Variants in PALD1 observed in about 807,000 individuals in gnomAD.
PALD1 encodes phosphatase domain containing paladin 1.
A neutral mutation model predicts 96.0 loss-of-function variants in PALD1; 57 were observed. The observed-to-expected ratio is 0.59, with a 90% CI of 0.48 to 0.74. The LOEUF (loss-of-function observed/expected upper bound fraction) is 0.74, where lower values mean the gene tolerates loss of function less well. PALD1 is among the 30% of genes least tolerant of loss of function. PALD1 has a pLI of 0.00. For missense variants in PALD1, 1,063 were observed against 1,143.7 expected (o/e 0.93, Z 1.02); for synonymous variants, 464 against 473.6 (o/e 0.98, Z 0.26).
chr10:70,542,802 C>G (rs1310113216), intron 17 of PALD1, among the ~76,000 whole-genome samples: 2 of 152,232 alleles, frequency 1.3e-5, no homozygotes, highest in African/African-American at 4.8e-5. Flanking sequence ...AGTGGAATTG[C>G]TGGATCCTAT....
intron 1 of PALD1, among the ~76,000 whole-genome samples, chr10:70,503,436 G>T (rs563440692): frequency 1.7e-4 from 26 of 152,212 alleles, no homozygotes; most frequent in Non-Finnish European, 3.1e-4. Flanking sequence ...AGGAGTTCGA[G>T]AACAGCCTGG....
At chr10:70,523,804 G>T (rs2132347392) in intron 1 of PALD1, among the ~76,000 whole-genome samples, 1 of 152,234 alleles carries the variant, frequency 6.6e-6, no homozygotes, top group Admixed American at 6.5e-5. Context: ...AGGGATGGGT[G>T]GCTGTTTGAG....
intron 17 of PALD1, among the ~76,000 whole-genome samples, chr10:70,546,748 G>C (rs927102323): frequency 1.3e-5 from 2 of 152,170 alleles, no homozygotes; most frequent in African/African-American, 4.8e-5. Context: ...CCAGGAGTTC[G>C]AGATTAGCCT....
At chr10:70,497,293 T>G (rs1846210513) in intron 1 of PALD1, among the ~76,000 whole-genome samples, 1 of 152,234 alleles carries the variant, frequency 6.6e-6, no homozygotes, top group South Asian at 2.1e-4. Flanking sequence ...TGCACACACC[T>G]TCTACTCACG....
At chr10:70,504,055 T>C (rs931968650) in intron 1 of PALD1, among the ~76,000 whole-genome samples, 2 of 152,228 alleles carry the variant, frequency 1.3e-5, no homozygotes, top group Non-Finnish European at 2.9e-5. Context: ...TGGGCCTCAG[T>C]GTCTGCACCT....
chr10:70,520,120 C>T (rs374694163), intron 1 of PALD1, among the ~76,000 whole-genome samples: 11 of 151,944 alleles, frequency 7.2e-5, no homozygotes, highest in South Asian at 4.2e-4. Flanking sequence ...GGATTCCGGC[C>T]GGCGGGGAGG....
intron 2 of PALD1, among the ~76,000 whole-genome samples, chr10:70,528,729 C>T (rs948055773): frequency 1.3e-5 from 2 of 152,190 alleles, no homozygotes; most frequent in Non-Finnish European, 2.9e-5. Context: ...TGCAAGTCCA[C>T]GAGGACATCC....
intron 18 of PALD1, among the ~76,000 whole-genome samples, chr10:70,553,435 G>C (rs1847522880): frequency 6.6e-6 from 1 of 152,190 alleles, no homozygotes; most frequent in Admixed American, 6.5e-5. Context: ...GCAGGGAGTG[G>C]GATGGGGTAG....
Position 70,529,238 on chromosome 10 carries a change from C to T in PALD1, c.195C>T (p.Cys65=), listed in dbSNP as rs1392993884. Residue 65 remains cysteine, a synonymous_variant, in exon 3 of 20, where the codon TGC becomes TGT. Transcript: ENST00000263563. Reference sequence around the variant, plus strand: ...CCCCCCCCCCCCCCAGGTACAACTGCAAGGAGGAGTTCCAGATCCATGATG... The same window carrying T: ...CCCCCCCCCCCCCCAGGTACAACTGTAAGGAGGAGTTCCAGATCCATGATG... ...KVAPVVITYN[C]KEEFQIHDEL... is the part of the protein sequence containing the mutation. 1.3e-6 allele frequency: 1 copy of T among 764,142 alleles called. No homozygotes were observed. Among genetic ancestry groups the T allele is most frequent in the Non-Finnish European group, 2.0e-6 (1 of 493,392 alleles). The allele number at this position is 764,142 out of a possible 1,614,324, so 47.3% of individuals were successfully genotyped here.
rs534142746 is a variant in PALD1 at position 70,566,244 on chromosome 10, C to T, written c.2419-337C>T. 7.2e-5 allele frequency among the ~76,000 whole-genome samples: 11 copies of T among 152,324 alleles called. No individual in the cohort carries two copies. The East Asian group carries it at 1.5e-3, about 21-fold the overall frequency. ...CCTGCATCCACGTTCTTCCTCCAGC[C>T]CTCCCTTTAGGCCCTGCTCCTGGGC... On this transcript the variant is annotated intron_variant, in intron 19 of 19. Coordinates refer to ENST00000263563, the MANE Select transcript of PALD1 (RefSeq NM_014431.3).
intron 1 of PALD1, among the ~76,000 whole-genome samples, chr10:70,509,323 A>G (rs1447391972): frequency 6.6e-6 from 1 of 152,188 alleles, no homozygotes; most frequent in African/African-American, 2.4e-5. Context: ...TGTACTGTAG[A>G]GAACTCTCTG....
chr10:70,494,300 T>C (rs184842771), intron 1 of PALD1, among the ~76,000 whole-genome samples: 209 of 152,372 alleles, frequency 1.4e-3, no homozygotes, highest in Non-Finnish European at 2.6e-3. Flanking sequence ...TCTGTGTCTC[T>C]TGCTAGTGTG....
chr10:70,522,380 C>T (rs1026611384), intron 1 of PALD1, among the ~76,000 whole-genome samples: 2 of 152,170 alleles, frequency 1.3e-5, no homozygotes, highest in Non-Finnish European at 2.9e-5. Context: ...TTTAAGAGCA[C>T]CAGGTGCAGA....
upstream of PALD1, among the ~76,000 whole-genome samples, chr10:70,478,454 C>T (rs1317884959): frequency 2.6e-5 from 4 of 152,222 alleles, no homozygotes; most frequent in African/African-American, 7.2e-5. Context: ...GCGCTGCTGC[C>T]TCTCGCAGCC....
At chr10:70,492,150 G>A (rs970823948) in intron 1 of PALD1, among the ~76,000 whole-genome samples, 1 of 152,140 alleles carries the variant, frequency 6.6e-6, no homozygotes, top group East Asian at 1.9e-4. Flanking sequence ...GTAAGTCTTT[G>A]TTTAACTTTT....
intron 1 of PALD1, among the ~76,000 whole-genome samples, chr10:70,523,976 A>G (rs1295343394): frequency 6.6e-6 from 1 of 152,154 alleles, no homozygotes; most frequent in Non-Finnish European, 1.5e-5. Context: ...AAGAAAGGAC[A>G]GTGAGCTCAG....
intron 1 of PALD1, among the ~76,000 whole-genome samples, chr10:70,517,288 A>C (rs1168057688): frequency 6.6e-6 from 1 of 151,930 alleles, no homozygotes; most frequent in Non-Finnish European, 1.5e-5. Flanking sequence ...CTTGTTTTTA[A>C]CAGATTTACT....
intron 18 of PALD1, among the ~76,000 whole-genome samples, chr10:70,558,945 G>C (rs1847674448): frequency 6.6e-6 from 1 of 152,114 alleles, no homozygotes; most frequent in African/African-American, 2.4e-5. Flanking sequence ...AGGTTGCAGT[G>C]AGCTAAGTTG....
At chr10:70,460,360 A>G in the PALD1 span, among the ~76,000 whole-genome samples, 1 of 151,720 alleles carries the variant, frequency 6.6e-6, no homozygotes, top group African/African-American at 2.4e-5. Context: ...AGAACTCTGG[A>G]CCCCTGCACC....
Sources: gnomAD v4.1 joint callset for allele counts (sites outside exome capture counted in the v4.1 genomes callset) on GRCh38, gnomAD v4.1.1 for gene constraint, MANE v1.5 for transcripts, NCBI Gene and HGNC (gene_info 2026-07-23, HGNC 2026-07-21) for gene names.